The following BMPER variants were observed in gnomAD, a reference collection of about 807,000 sequenced individuals.
BMPER encodes the protein BMP-binding endothelial regulator protein.
BMPER carries 45 observed loss-of-function variants against 87.3 expected under a neutral mutation model. The observed-to-expected ratio is 0.52, with a 90% CI of 0.41 to 0.66. The LOEUF is 0.66. Among genes scored for constraint, BMPER ranks in the 30% least tolerant of loss-of-function variants. The pLI, the probability that BMPER is intolerant of heterozygous loss-of-function variation, is 0.00. For synonymous variants in BMPER, 326 were observed against 316.2 expected (o/e 1.03, Z -0.33); for missense variants, 784 against 867.5 (o/e 0.90, Z 1.21).
chr7:34,036,465 C>T (rs2127953478), intron 6 of BMPER, among the ~76,000 whole-genome samples: 1 of 152,254 alleles, frequency 6.6e-6, no homozygotes, highest in Middle Eastern at 3.4e-3. Flanking sequence ...CAGGAGCTGG[C>T]TGTCAGGGCC....
chr7:34,100,573 A>G (rs573837605), intron 13 of BMPER, among the ~76,000 whole-genome samples: 14 of 152,316 alleles, frequency 9.2e-5, no homozygotes, highest in Admixed American at 7.2e-4. Flanking sequence ...AATAAGATCA[A>G]TTTCACAGAA....
At chr7:33,907,781 C>T (rs1263731867) in intron 2 of BMPER, among the ~76,000 whole-genome samples, 1 of 152,166 alleles carries the variant, frequency 6.6e-6, no homozygotes, top group Non-Finnish European at 1.5e-5. Flanking sequence ...AAATGCAAAG[C>T]CCCAGAATGA....
chr7:33,971,796 C>G (rs1182733722), intron 5 of BMPER, among the ~76,000 whole-genome samples: 1 of 152,180 alleles, frequency 6.6e-6, no homozygotes, highest in Non-Finnish European at 1.5e-5. Context: ...CACAGCCAAC[C>G]CTGACATTGA....
rs147143460 is a variant in BMPER at position 34,045,621 on chromosome 7, A to G, written c.577-685A>G. Among the ~76,000 whole-genome samples, 643 of 152,302 alleles carry G rather than the reference A, an allele frequency of 4.2e-3. 6 individuals are homozygous for G. Among genetic ancestry groups the G allele is most frequent in the South Asian group, 0.024 (116 of 4,826 alleles). On this transcript the variant is annotated intron_variant, in intron 6 of 14. Coordinates refer to ENST00000649409, the MANE Select transcript of BMPER (RefSeq NM_001365308.1). Reference sequence around the variant, plus strand: ...GTCTCATATCAATCTTTATAATCTTATAATTAATTAGTGAAAACAGATTTG... The same window carrying G: ...GTCTCATATCAATCTTTATAATCTTGTAATTAATTAGTGAAAACAGATTTG...
rs544837201 is a variant in BMPER, at chr7:34,046,466, G to A, written c.676+61G>A. ...TTTCTTCTCAAAGTTTCTGCTGGGA[G>A]TGTTTATCCACGTTGTTGTTTTGAG... On this transcript the variant is annotated intron_variant, in intron 7 of 14. Coordinates refer to ENST00000649409, the MANE Select transcript of BMPER (RefSeq NM_001365308.1). The A allele has an allele frequency of 1.2e-5, 18 of 1,529,466 alleles. No homozygotes were observed. The South Asian group carries it at 1.9e-4, about 16-fold the overall frequency. The allele number at this position is 1,529,466 out of a possible 1,614,324, so 94.7% of individuals were successfully genotyped here. A position where few individuals can be genotyped will look rare whatever the true frequency, so the allele number is the denominator to read the frequency against.
intron 14 of BMPER, among the ~76,000 whole-genome samples, chr7:34,143,783 AT>A (rs999255720): frequency 3.3e-5 from 5 of 152,082 alleles, no homozygotes; most frequent in African/African-American, 9.7e-5. Flanking sequence ...GCCTAGTAGA[AT>A]TTTTTTCCCC....
chr7:34,108,466 C>T (rs1789880201), intron 13 of BMPER, among the ~76,000 whole-genome samples: 1 of 152,204 alleles, frequency 6.6e-6, no homozygotes, highest in South Asian at 2.1e-4. Flanking sequence ...CTCTCTTGGT[C>T]ACCAATCTTA....
chr7:33,950,109 G>A (rs1275437146), intron 3 of BMPER, among the ~76,000 whole-genome samples: 1 of 152,188 alleles, frequency 6.6e-6, no homozygotes, highest in Non-Finnish European at 1.5e-5. Flanking sequence ...TAAGGGGCAA[G>A]TTTGTGGTTG....
intron 3 of BMPER, among the ~76,000 whole-genome samples, chr7:33,940,839 T>G (rs1040522912): frequency 3.0e-4 from 43 of 142,392 alleles, no homozygotes; most frequent in Middle Eastern, 3.6e-3. Context: ...ATTACATATA[T>G]TTATATATAA....
At chr7:34,149,971 A>G (rs1348687979) in intron 14 of BMPER, among the ~76,000 whole-genome samples, 1 of 152,148 alleles carries the variant, frequency 6.6e-6, no homozygotes, top group Non-Finnish European at 1.5e-5. Flanking sequence ...AGATAGGGAG[A>G]AGATTAATTT....
At chr7:34,061,017 T>G (rs1788422603) in intron 10 of BMPER, among the ~76,000 whole-genome samples, 1 of 152,234 alleles carries the variant, frequency 6.6e-6, no homozygotes, top group African/African-American at 2.4e-5. Context: ...GACCTCAATT[T>G]CTTCACCTAT....
chr7:33,989,060 A>G (rs1179671355), intron 6 of BMPER, among the ~76,000 whole-genome samples: 6 of 133,148 alleles, frequency 4.5e-5, no homozygotes, highest in East Asian at 2.1e-4. Flanking sequence ...ATTGTGAATA[A>G]TGCCGCAATA....
chr7:34,020,792 G>A (rs187341977), intron 6 of BMPER, among the ~76,000 whole-genome samples: 24 of 151,796 alleles, frequency 1.6e-4, no homozygotes, highest in African/African-American at 5.5e-4. Flanking sequence ...GATAGGGAAA[G>A]CAATTATCAG....
chr7:34,055,567 T>C (rs1456342913), intron 9 of BMPER, among the ~76,000 whole-genome samples: 62 of 152,220 alleles, frequency 4.1e-4, no homozygotes, highest in Admixed American at 4.1e-3. Context: ...GTTAAGCCTG[T>C]AAAACCTGCC....
intron 14 of BMPER, among the ~76,000 whole-genome samples, chr7:34,147,683 A>G (rs1583482596): frequency 6.6e-6 from 1 of 152,020 alleles, no homozygotes; most frequent in Non-Finnish European, 1.5e-5. Context: ...TTGGTCAGGC[A>G]GGTCTTGAAC....
chr7:34,008,399 C>T (rs762718924), intron 6 of BMPER, among the ~76,000 whole-genome samples: 2 of 151,854 alleles, frequency 1.3e-5, no homozygotes, highest in African/African-American at 4.8e-5. Flanking sequence ...TTTTCTTTAA[C>T]ACCTTCTGGA....
chr7:33,997,232 T>C (rs908308153), intron 6 of BMPER, among the ~76,000 whole-genome samples: 1 of 152,220 alleles, frequency 6.6e-6, no homozygotes, highest in Non-Finnish European at 1.5e-5. Flanking sequence ...GCATCATCTA[T>C]TATTTTTCCA....
intron 14 of BMPER, among the ~76,000 whole-genome samples, chr7:34,148,895 C>T (rs1226552397): frequency 1.3e-5 from 2 of 152,112 alleles, no homozygotes; most frequent in Non-Finnish European, 2.9e-5. Flanking sequence ...AGCAAAGCCT[C>T]TAGAGGGCAA....
rs567928392 is a variant in BMPER, at chr7:33,954,210, G to T, written c.320-12269G>T. ...TAGGAGAAGGAGAGCCAGACATAAT[G>T]CCATAAACTGAAAATATGTGACTGT... On this transcript the variant is annotated intron_variant, in intron 3 of 14. Coordinates refer to ENST00000649409, the MANE Select transcript of BMPER (RefSeq NM_001365308.1). Among the ~76,000 whole-genome samples the T allele has an allele frequency of 8.0e-4, 122 of 152,220 alleles. 1 individual carries two copies. The highest frequency in any genetic ancestry group is 5.6e-3 in the Admixed American group (85 of 15,296).
Sources: gnomAD v4.1 joint callset for allele counts (sites outside exome capture counted in the v4.1 genomes callset) on GRCh38, gnomAD v4.1.1 for gene constraint, MANE v1.5 for transcripts, NCBI Gene and HGNC (gene_info 2026-07-23, HGNC 2026-07-21) for gene names.